The following MYO1E variants were observed in gnomAD, a reference collection of about 807,000 sequenced individuals.
MYO1E encodes the protein myosin IE.
A neutral mutation model predicts 151.1 loss-of-function variants in MYO1E; 68 were observed. The observed-to-expected ratio is 0.45, with a 90% CI of 0.37 to 0.55. MYO1E has a LOEUF of 0.55. Ranked by LOEUF, MYO1E falls within the 20% of genes least tolerant of loss-of-function variation. The probability of loss-of-function intolerance (pLI) is 0.00; values close to 1 mark genes in which losing one functional copy is unlikely to be tolerated. For missense variants in MYO1E, 1,363 were observed against 1,389.3 expected, an observed-to-expected ratio of 0.98 and a Z score of 0.30; for synonymous variants, 601 against 501.7, an observed-to-expected ratio of 1.20 and a Z score of -2.64.
At chr15:59,213,359 C>T (rs1015655473) in intron 12 of MYO1E, among the ~76,000 whole-genome samples, 15 of 151,686 alleles carry the variant, frequency 9.9e-5, no homozygotes, top group Admixed American at 4.6e-4. Flanking sequence ...TTAGTAGAGA[C>T]GGGGTTTCAT....
intron 5 of MYO1E, among the ~76,000 whole-genome samples, chr15:59,233,640 G>C (rs1366052580): frequency 1.5e-5 from 2 of 133,988 alleles, no homozygotes; most frequent in African/African-American, 2.6e-5. Flanking sequence ...CTCCAGCCTG[G>C]CGACAGAGCG....
intron 1 of MYO1E, among the ~76,000 whole-genome samples, chr15:59,322,399 C>T (rs2080632652): frequency 6.6e-6 from 1 of 152,052 alleles, no homozygotes. Context: ...TTACAAATTG[C>T]TCTGAAAATT....
intron 1 of MYO1E, among the ~76,000 whole-genome samples, chr15:59,352,144 G>A (rs541925950): frequency 1.3e-4 from 20 of 152,306 alleles, no homozygotes; most frequent in Non-Finnish European, 2.4e-4. Flanking sequence ...ATCTCCTTAA[G>A]GATAGCTGGA....
intron 1 of MYO1E, among the ~76,000 whole-genome samples, chr15:59,335,192 T>C (rs1164535935): frequency 2.0e-5 from 3 of 152,192 alleles, no homozygotes; most frequent in Non-Finnish European, 4.4e-5. Flanking sequence ...TATATTTTTA[T>C]TATTAAAGTG....
chr15:59,146,311 TTTTTG>T (rs557340074), intron 26 of MYO1E, among the ~76,000 whole-genome samples: 294 of 152,210 alleles, frequency 1.9e-3, no homozygotes, highest in South Asian at 3.3e-3. Flanking sequence ...TAATGGTTGT[TTTTTG>T]TTTTGTTTTG....
intron 3 of MYO1E, among the ~76,000 whole-genome samples, chr15:59,257,796 A>G (rs931427847): frequency 6.6e-6 from 1 of 152,154 alleles, no homozygotes; most frequent in Non-Finnish European, 1.5e-5. Flanking sequence ...AGGAACCAGA[A>G]TATGTGATCT....
chr15:59,207,027 T>A (rs1396499580), intron 14 of MYO1E: 11 of 1,614,136 alleles, frequency 6.8e-6, no homozygotes, highest in Non-Finnish European at 9.3e-6. Flanking sequence ...TGGCCCTGTG[T>A]CCGCGTCAAG....
At chr15:59,225,793 C>T (rs1432099293) in intron 7 of MYO1E, among the ~76,000 whole-genome samples, 2 of 151,960 alleles carry the variant, frequency 1.3e-5, no homozygotes, top group African/African-American at 2.4e-5. Flanking sequence ...ACTACAGGCG[C>T]CCACCACCAC....
At chr15:59,156,169 A>G (rs1437649779) in intron 25 of MYO1E, among the ~76,000 whole-genome samples, 7 of 151,888 alleles carry the variant, frequency 4.6e-5, no homozygotes, top group Admixed American at 6.6e-5. Flanking sequence ...GCTAATTTTT[A>G]TTTTTTAATT....
chr15:59,372,370 G>A (rs2080952054), intron 1 of MYO1E, 128 bp downstream of exon 1: 3 of 1,168,554 alleles, frequency 2.6e-6, no homozygotes, highest in East Asian at 2.6e-5. Context: ...AGCTCGCGAC[G>A]TGCCGGCTCC....
At chr15:59,212,671 T>A (rs2079886437) in intron 12 of MYO1E, 1 of 152,248 alleles carries the variant, frequency 6.6e-6, no homozygotes, top group African/African-American at 2.4e-5. Context: ...TGTCAAAAAT[T>A]GTCAATGCTG....
At chr15:59,188,080 AC>A in intron 18 of MYO1E, 37 bp downstream of exon 18, 1 of 1,440,424 alleles carries the variant, frequency 6.9e-7, no homozygotes, top group Non-Finnish European at 9.8e-7. Flanking sequence ...AGCTCAATAA[AC>A]CTGTTTTAAA....
chr15:59,145,148 T>A (rs2140301927), intron 26 of MYO1E, among the ~76,000 whole-genome samples: 1 of 152,054 alleles, frequency 6.6e-6, no homozygotes, highest in African/African-American at 2.4e-5. Context: ...CGGCCAGGAA[T>A]GACTTTCAAA....
chr15:59,206,985 C>G, intron 14 of MYO1E: 1 of 1,614,166 alleles, frequency 6.2e-7, no homozygotes, highest in Non-Finnish European at 8.5e-7. Flanking sequence ...AGAGAGTGAG[C>G]TCGGTGGGAG....
At chr15:59,203,114 G>C (rs2079812124) in intron 15 of MYO1E, among the ~76,000 whole-genome samples, 1 of 152,208 alleles carries the variant, frequency 6.6e-6, no homozygotes, top group African/African-American at 2.4e-5. Context: ...TCTGGATTCA[G>C]TGCAGATGCT....
At chr15:59,266,842 TAGTAGAGACGG>T (rs1188908456) in intron 2 of MYO1E, 1 of 149,538 alleles carries the variant, frequency 6.7e-6, no homozygotes, top group African/African-American at 2.5e-5. Context: ...TTTACATTTT[TAGTAGAGACGG>T]AGTTTCACCT....
intron 1 of MYO1E, among the ~76,000 whole-genome samples, chr15:59,358,097 A>G (rs1355849242): frequency 6.6e-6 from 1 of 152,182 alleles, no homozygotes; most frequent in Non-Finnish European, 1.5e-5. Flanking sequence ...AGCCCCAAAC[A>G]AAGAGGATGA....
chr15:59,302,759 A>G (rs1242426282), intron 1 of MYO1E, among the ~76,000 whole-genome samples: 1 of 133,980 alleles, frequency 7.5e-6, no homozygotes, highest in Non-Finnish European at 1.5e-5. Context: ...GTAAAGTAAT[A>G]CATTATAAAC....
At chr15:59,329,366 G>T (rs2080685262) in intron 1 of MYO1E, among the ~76,000 whole-genome samples, 1 of 152,180 alleles carries the variant, frequency 6.6e-6, no homozygotes, top group Non-Finnish European at 1.5e-5. Context: ...CTAGAAAGTG[G>T]TGTCGAGCTG....
Sources: allele counts gnomAD v4.1 joint callset (sites outside exome capture counted in the v4.1 genomes callset), GRCh38; gene constraint gnomAD v4.1.1; transcripts MANE v1.5; gene names NCBI Gene and HGNC (gene_info 2026-07-23, HGNC 2026-07-21).